PTPRM: variants seen among roughly 807,000 people sequenced by gnomAD.
PTPRM encodes the protein protein tyrosine phosphatase receptor type M, also known as receptor-type tyrosine-protein phosphatase mu.
PTPRM carries 47 observed loss-of-function variants against 186.7 expected under a neutral mutation model. The observed-to-expected ratio is 0.25, with a 90% CI of 0.20 to 0.32. PTPRM has a LOEUF of 0.32. Ranked by LOEUF, PTPRM falls within the 10% of genes least tolerant of loss-of-function variation. The probability of loss-of-function intolerance (pLI) is 1.00; values close to 1 mark genes in which losing one functional copy is unlikely to be tolerated. For synonymous variants in PTPRM, 668 were observed against 674.9 expected (o/e 0.99, Z 0.16); for missense variants, 1,494 against 1,865.0 (o/e 0.80, Z 3.66).
intron 14 of PTPRM, among the ~76,000 whole-genome samples, chr18:8,194,593 G>A (rs999243968): frequency 6.6e-6 from 1 of 152,152 alleles, no homozygotes; most frequent in Admixed American, 6.5e-5. Flanking sequence ...TCATTCATTA[G>A]GCCTTACTGG....
chr18:7,764,535 A>T (rs2144798282), intron 1 of PTPRM, among the ~76,000 whole-genome samples: 1 of 152,308 alleles, frequency 6.6e-6, no homozygotes. Flanking sequence ...CTAGTTAAAT[A>T]GGTTGATCCA....
intron 14 of PTPRM, among the ~76,000 whole-genome samples, chr18:8,180,685 A>G (rs1188868123): frequency 3.9e-5 from 6 of 152,070 alleles, no homozygotes; most frequent in Admixed American, 3.9e-4. Context: ...TTCTTCCCTT[A>G]CCGGTTCATT....
intron 7 of PTPRM, among the ~76,000 whole-genome samples, chr18:8,032,128 G>A (rs1184536879): frequency 1.3e-5 from 2 of 152,150 alleles, no homozygotes; most frequent in African/African-American, 2.4e-5. Flanking sequence ...TGTTACAAGA[G>A]TCCAGCAAAT....
intron 31 of PTPRM, among the ~76,000 whole-genome samples, chr18:8,394,055 G>T (rs759261186): frequency 3.3e-5 from 5 of 152,226 alleles, no homozygotes; most frequent in Non-Finnish European, 7.3e-5. Flanking sequence ...GCCTCCCAAA[G>T]TGCTGGGATT....
chr18:7,688,868 T>C (rs2144629890), intron 1 of PTPRM, among the ~76,000 whole-genome samples: 1 of 152,296 alleles, frequency 6.6e-6, no homozygotes, highest in South Asian at 2.1e-4. Flanking sequence ...GAGACAGTGC[T>C]CCTGGTGGCT....
At chr18:7,762,476 A>T (rs2041822537) in intron 1 of PTPRM, among the ~76,000 whole-genome samples, 1 of 152,172 alleles carries the variant, frequency 6.6e-6, no homozygotes, top group Non-Finnish European at 1.5e-5. Flanking sequence ...AGGAATGAAG[A>T]TAAAGAGGTA....
At chr18:7,704,427 C>A (rs2040031286) in intron 1 of PTPRM, among the ~76,000 whole-genome samples, 1 of 152,070 alleles carries the variant, frequency 6.6e-6, no homozygotes, top group South Asian at 2.1e-4. Context: ...AGGAATTTAT[C>A]CATTTATTCT....
chr18:7,962,870 CA>C (rs2053774278), intron 7 of PTPRM, among the ~76,000 whole-genome samples: 1 of 152,230 alleles, frequency 6.6e-6, no homozygotes, highest in African/African-American at 2.4e-5. Flanking sequence ...TCTGGACTTA[CA>C]GGGCTGACCC....
intron 14 of PTPRM, among the ~76,000 whole-genome samples, chr18:8,187,895 A>C (rs2093663330): frequency 6.6e-6 from 1 of 152,246 alleles, no homozygotes; most frequent in Non-Finnish European, 1.5e-5. Context: ...CATCTTGCTC[A>C]TTCCATTCGC....
At chr18:8,374,490 C>T (rs1425542845) in intron 24 of PTPRM, among the ~76,000 whole-genome samples, 3 of 152,120 alleles carry the variant, frequency 2.0e-5, no homozygotes, top group Admixed American at 6.5e-5. Context: ...GCTGGGGGAG[C>T]TTTCTAGGGG....
chr18:7,866,788 G>A (rs975216713), intron 2 of PTPRM, among the ~76,000 whole-genome samples: 1 of 152,288 alleles, frequency 6.6e-6, no homozygotes, highest in East Asian at 1.9e-4. Flanking sequence ...ACAGTGGGGT[G>A]TTAAAGTCTC....
rs752054284 is a variant in PTPRM at position 7,949,305 on chromosome 18, G to T, written c.788G>T (p.Arg263Leu). Residue 263 changes from arginine to leucine, a missense_variant, in exon 6 of 33, where the codon CGC (arginine) becomes CTC (leucine). Physicochemically the swap from Arg to Leu is moderately radical, Grantham distance 102. Transcript: ENST00000580170. ...GCTGGAAAGTACCGCTGCATGATTC[G>T]CACTGAAGGAGGTGTTGGAATATCA... Reference protein sequence around the residue: ...RDAGKYRCMIRTEGGVGISNY... With the variant: ...RDAGKYRCMILTEGGVGISNY... The T allele has an allele frequency of 6.2e-7, 1 of 1,614,076 alleles. No individual in the cohort carries two copies. The highest frequency in any genetic ancestry group is 8.5e-7 in the Non-Finnish European group (1 of 1,179,960).
chr18:7,715,271 A>G (rs1017497160), intron 1 of PTPRM, among the ~76,000 whole-genome samples: 2 of 152,360 alleles, frequency 1.3e-5, no homozygotes, highest in East Asian at 1.9e-4. Context: ...GATTATGTCA[A>G]TAGATCCAGA....
At chr18:8,325,220 C>A (rs1568750222) in intron 22 of PTPRM, among the ~76,000 whole-genome samples, 1 of 152,108 alleles carries the variant, frequency 6.6e-6, no homozygotes, top group East Asian at 1.9e-4. Context: ...TACAGGTAAA[C>A]TGCATGTCAT....
intron 7 of PTPRM, among the ~76,000 whole-genome samples, chr18:8,032,452 A>G (rs1412920032): frequency 1.3e-5 from 2 of 152,208 alleles, no homozygotes; most frequent in African/African-American, 4.8e-5. Flanking sequence ...ATCAATAAAG[A>G]GTATACAATA....
intron 2 of PTPRM, among the ~76,000 whole-genome samples, chr18:7,864,039 A>G (rs1387517330): frequency 6.6e-6 from 1 of 151,926 alleles, no homozygotes; most frequent in Non-Finnish European, 1.5e-5. Flanking sequence ...CCACTTTTTG[A>G]TGAGGTTGTT....
intron 23 of PTPRM, among the ~76,000 whole-genome samples, chr18:8,346,602 C>CA (rs1468194044): frequency 2.0e-5 from 3 of 152,152 alleles, no homozygotes; most frequent in African/African-American, 7.2e-5. Flanking sequence ...CCATAACAGC[C>CA]TGCTTAATGG....
intron 1 of PTPRM, among the ~76,000 whole-genome samples, chr18:7,660,493 A>C (rs2144375811): frequency 6.6e-6 from 1 of 152,214 alleles, no homozygotes; most frequent in Admixed American, 6.5e-5. Context: ...GAAGACAGAG[A>C]TCTGGAATGT....
chr18:7,867,974 C>T (rs939174974), intron 2 of PTPRM, among the ~76,000 whole-genome samples: 12 of 152,162 alleles, frequency 7.9e-5, no homozygotes, highest in Non-Finnish European at 1.6e-4. Context: ...TCCTCTCTTC[C>T]GCTTGATTGA....
Sources: gnomAD v4.1 joint callset for allele counts (sites outside exome capture counted in the v4.1 genomes callset) on GRCh38, gnomAD v4.1.1 for gene constraint, MANE v1.5 for transcripts, NCBI Gene and HGNC (gene_info 2026-07-23, HGNC 2026-07-21) for gene names.